ADAMTS3: variants seen among roughly 807,000 people sequenced by gnomAD.
ADAMTS3 encodes ADAM metallopeptidase with thrombospondin type 1 motif 3.
In ADAMTS3, 73 loss-of-function variants were observed where a neutral mutation model predicts 129.0. That is an observed-to-expected ratio of 0.57 (90% CI 0.47 to 0.69). ADAMTS3 has a LOEUF of 0.69. Among genes scored for constraint, ADAMTS3 ranks in the 30% least tolerant of loss-of-function variants. ADAMTS3 has a pLI of 0.00. For synonymous variants in ADAMTS3, 477 were observed against 510.8 expected (o/e 0.93, Z 0.89); for missense variants, 1,457 against 1,514.5 (o/e 0.96, Z 0.63).
chr4:72,568,328 G>A (rs986715571), intron 1 of ADAMTS3, among the ~76,000 whole-genome samples: 1 of 152,162 alleles, frequency 6.6e-6, no homozygotes, highest in African/African-American at 2.4e-5. Context: ...CGGACCCAGC[G>A]TCCAGAACTT....
At chr4:72,457,796 T>G (rs1718663923) in intron 3 of ADAMTS3, among the ~76,000 whole-genome samples, 1 of 151,694 alleles carries the variant, frequency 6.6e-6, no homozygotes, top group Non-Finnish European at 1.5e-5. Flanking sequence ...CTACTAAGTT[T>G]TATCCTTAAA....
Position 72,568,857 on chromosome 4 carries a change from G to T in ADAMTS3, c.-95C>A. ...AAAATAAGTTTCTTTAAGAAAAAAA[G>T]GAAAAGGGAAAAAATGCGAAATAGA... On this transcript the variant is annotated 5_prime_UTR_variant, in exon 1 of 22. Transcript: ENST00000286657. The T allele has an allele frequency of 2.6e-6, 2 of 782,768 alleles. No homozygotes were observed. Among genetic ancestry groups the T allele is most frequent in the Non-Finnish European group, 3.7e-6 (2 of 534,624 alleles). 48.5% of individuals were successfully genotyped at this position (782,768 alleles called of 1,614,324 possible).
chr4:72,500,986 G>T (rs977153466), intron 3 of ADAMTS3, among the ~76,000 whole-genome samples: 7 of 152,002 alleles, frequency 4.6e-5, no homozygotes, highest in Non-Finnish European at 7.4e-5. Context: ...CTGTTTTTGT[G>T]CATGTACCAT....
At chr4:72,485,819 T>C (rs1719576106) in intron 3 of ADAMTS3, among the ~76,000 whole-genome samples, 1 of 152,188 alleles carries the variant, frequency 6.6e-6, no homozygotes, top group South Asian at 2.1e-4. Flanking sequence ...AATAAGGTCA[T>C]GAGGGCTTTG....
At chr4:72,529,506 A>G (rs1321878817) in intron 3 of ADAMTS3, among the ~76,000 whole-genome samples, 3 of 150,492 alleles carry the variant, frequency 2.0e-5, no homozygotes, top group African/African-American at 4.9e-5. Context: ...GAGGCATTCA[A>G]TCTACTTATA....
chr4:72,564,943 C>G (rs1364160057), intron 2 of ADAMTS3, among the ~76,000 whole-genome samples: 1 of 152,136 alleles, frequency 6.6e-6, no homozygotes, highest in African/African-American at 2.4e-5. Context: ...GTCAGGAGAG[C>G]AGTCACCTTT....
chr4:72,399,446 T>A (rs1181208851), intron 4 of ADAMTS3, among the ~76,000 whole-genome samples: 5 of 152,122 alleles, frequency 3.3e-5, no homozygotes, highest in South Asian at 2.1e-4. Flanking sequence ...AAAGAAAAAA[T>A]TATTTTTCTC....
At chr4:72,528,552 C>T (rs757329252) in intron 3 of ADAMTS3, among the ~76,000 whole-genome samples, 7 of 149,538 alleles carry the variant, frequency 4.7e-5, no homozygotes, top group Non-Finnish European at 1.5e-5. Context: ...GATGCTGCTT[C>T]TCCTTCACTA....
chr4:72,465,456 A>T (rs1718893421), intron 3 of ADAMTS3, among the ~76,000 whole-genome samples: 1 of 151,976 alleles, frequency 6.6e-6, no homozygotes, highest in Non-Finnish European at 1.5e-5. Flanking sequence ...TCTGACAGTG[A>T]TAGGAGGCAG....
At chr4:72,354,983 G>A (rs750938054) in intron 4 of ADAMTS3, among the ~76,000 whole-genome samples, 1 of 151,818 alleles carries the variant, frequency 6.6e-6, no homozygotes, top group Non-Finnish European at 1.5e-5. Context: ...TACTCCAAAA[G>A]CTTTTGGTAT....
chr4:72,509,396 G>A (rs1197442174), intron 3 of ADAMTS3, among the ~76,000 whole-genome samples: 1 of 151,664 alleles, frequency 6.6e-6, no homozygotes, highest in Non-Finnish European at 1.5e-5. Flanking sequence ...TAAGAAGAGA[G>A]GAGATCCAAA....
At chr4:72,457,957 A>G (rs1287819885) in intron 3 of ADAMTS3, among the ~76,000 whole-genome samples, 1 of 151,424 alleles carries the variant, frequency 6.6e-6, no homozygotes, top group Non-Finnish European at 1.5e-5. Context: ...GCAAAGTGAA[A>G]ACAGTTTGGG....
intron 14 of ADAMTS3, 28 bp downstream of exon 14, chr4:72,311,020 A>G: frequency 6.4e-7 from 1 of 1,554,564 alleles, no homozygotes; most frequent in Non-Finnish European, 8.7e-7. Context: ...TAACGTAGAA[A>G]GCCTTTGGGG....
intron 4 of ADAMTS3, among the ~76,000 whole-genome samples, chr4:72,352,914 G>A (rs1166364758): frequency 6.6e-6 from 1 of 152,022 alleles, no homozygotes; most frequent in Non-Finnish European, 1.5e-5. Flanking sequence ...AAGAGAGGTT[G>A]AAGCAAGATC....
intron 2 of ADAMTS3, among the ~76,000 whole-genome samples, chr4:72,557,361 T>G (rs2623532): frequency 0.96 from 146,087 of 151,644 alleles, 70,767 homozygotes; most frequent in East Asian, 1. Context: ...AGGGGAATGG[T>G]ACACATCTTC....
At chr4:72,448,651 A>G (rs1185051221) in intron 3 of ADAMTS3, among the ~76,000 whole-genome samples, 1 of 151,774 alleles carries the variant, frequency 6.6e-6, no homozygotes, top group African/African-American at 2.4e-5. Context: ...CTTTTCAATA[A>G]TAAAAATATA....
At chr4:72,523,502 G>GA (rs1443647901) in intron 3 of ADAMTS3, among the ~76,000 whole-genome samples, 1 of 152,014 alleles carries the variant, frequency 6.6e-6, no homozygotes, top group East Asian at 1.9e-4. Flanking sequence ...GAAATACACA[G>GA]AAAACTTATT....
At chr4:72,416,655 G>A (rs913434267) in intron 3 of ADAMTS3, among the ~76,000 whole-genome samples, 7 of 152,130 alleles carry the variant, frequency 4.6e-5, no homozygotes, top group Non-Finnish European at 1.0e-4. Flanking sequence ...TTTTTCAAAA[G>A]TTATATAATT....
intron 4 of ADAMTS3, among the ~76,000 whole-genome samples, chr4:72,392,912 C>A (rs1211712835): frequency 7.9e-6 from 1 of 126,028 alleles, no homozygotes; most frequent in Non-Finnish European, 1.6e-5. Flanking sequence ...TTCTACCCAT[C>A]GGATTTTTTT....
Sources: allele counts gnomAD v4.1 joint callset (sites outside exome capture counted in the v4.1 genomes callset), GRCh38; gene constraint gnomAD v4.1.1; transcripts MANE v1.5; gene names NCBI Gene and HGNC (gene_info 2026-07-23, HGNC 2026-07-21).